Variants in LIPA observed in about 807,000 individuals in gnomAD.
LIPA encodes lipase A, lysosomal acid type.
A neutral mutation model predicts 40.6 loss-of-function variants in LIPA; 26 were observed. The observed-to-expected ratio is 0.64, with a 90% confidence interval of 0.47 to 0.89. The LOEUF (loss-of-function observed/expected upper bound fraction) is 0.89, where lower values mean the gene tolerates loss of function less well. Ranked by LOEUF, LIPA falls within the 40% of genes least tolerant of loss-of-function variation. LIPA has a pLI of 0.00. For synonymous variants in LIPA, 188 were observed against 168.4 expected (o/e 1.12, Z -0.90); for missense variants, 455 against 479.6 (o/e 0.95, Z 0.48).
chr10:89,335,604 T>G (rs774170721), intron 1 of LIPA: 3 of 151,922 alleles, frequency 2.0e-5, no homozygotes, highest in Non-Finnish European at 2.9e-5. Flanking sequence ...GTTTCCGGTT[T>G]CGTTGAGGCA....
intron 2 of LIPA, among the ~76,000 whole-genome samples, chr10:89,395,674 T>C (rs1183745482): frequency 6.6e-6 from 1 of 152,164 alleles, no homozygotes. Flanking sequence ...GATCAGACGC[T>C]TAGGCATTAG....
intron 1 of LIPA, among the ~76,000 whole-genome samples, chr10:89,268,854 C>T (rs374400426): frequency 5.9e-5 from 9 of 151,744 alleles, no homozygotes; most frequent in East Asian, 1.9e-4. Context: ...GGCGCGGTGA[C>T]GGGCGCCTGT....
At chr10:89,335,694 G>A (rs1843727178) in intron 1 of LIPA, among the ~76,000 whole-genome samples, 1 of 151,676 alleles carries the variant, frequency 6.6e-6, no homozygotes, top group African/African-American at 2.4e-5. Flanking sequence ...CTAGTGTTCA[G>A]CTATTTTTTT....
At chr10:89,301,941 C>A in intron 1 of LIPA, 1 of 514,252 alleles carries the variant, frequency 1.9e-6, no homozygotes. Flanking sequence ...CTGCCAATTT[C>A]ACTTTCTAGT....
At chr10:89,292,468 T>C (rs1465698798) in intron 1 of LIPA, 1 of 152,210 alleles carries the variant, frequency 6.6e-6, no homozygotes, top group Non-Finnish European at 1.5e-5. Flanking sequence ...AACAGACCAC[T>C]TTCAGGTGAG....
At chr10:89,225,339 C>CGGAGGCCTG in intron 5 of LIPA, 111 bp from the exon 6 acceptor site, 1 of 1,276,410 alleles carries the variant, frequency 7.8e-7, no homozygotes, top group Non-Finnish European at 1.1e-6. Context: ...GAGACCCACG[C>CGGAGGCCTG]AAACAATACC....
chr10:89,399,820 A>G (rs1844396648), intron 2 of LIPA, among the ~76,000 whole-genome samples: 1 of 151,952 alleles, frequency 6.6e-6, no homozygotes, highest in South Asian at 2.1e-4. Flanking sequence ...CGTAAGAGTG[A>G]GGCCTTAATC....
chr10:89,264,242 C>T (rs187522483), intron 1 of LIPA, among the ~76,000 whole-genome samples: 1 of 152,296 alleles, frequency 6.6e-6, no homozygotes, highest in Admixed American at 6.5e-5. Flanking sequence ...GAGTTCTTGT[C>T]CCACATCCAG....
chr10:89,379,850 A>G (rs1330926434), intron 2 of LIPA, among the ~76,000 whole-genome samples: 4 of 152,082 alleles, frequency 2.6e-5, no homozygotes, highest in South Asian at 2.1e-4. Context: ...CTGACTAACA[A>G]GGTGAAACCC....
chr10:89,296,209 C>T (rs1339570553), intron 1 of LIPA, among the ~76,000 whole-genome samples: 5 of 152,092 alleles, frequency 3.3e-5, no homozygotes, highest in African/African-American at 1.2e-4. Context: ...TAAATAGAAG[C>T]CAGGCACTGT....
intron 2 of LIPA, among the ~76,000 whole-genome samples, chr10:89,407,865 T>C (rs1841436733): frequency 6.6e-6 from 1 of 151,744 alleles, no homozygotes; most frequent in African/African-American, 2.4e-5. Flanking sequence ...AAATCCAACC[T>C]TCCTCAGTCC....
At chr10:89,283,349 C>T (rs955279584) in intron 1 of LIPA, among the ~76,000 whole-genome samples, 3 of 152,220 alleles carry the variant, frequency 2.0e-5, no homozygotes, top group African/African-American at 7.2e-5. Context: ...TCTGAGGCCA[C>T]TCTGGCTCGG....
chr10:89,319,288 G>A (rs890187679), intron 1 of LIPA, among the ~76,000 whole-genome samples: 6 of 152,056 alleles, frequency 3.9e-5, no homozygotes, highest in Admixed American at 3.9e-4. Flanking sequence ...TTTTTTGAAA[G>A]GATCAACATT....
intron 1 of LIPA, among the ~76,000 whole-genome samples, chr10:89,248,025 G>A (rs997442946): frequency 1.3e-5 from 2 of 151,654 alleles, no homozygotes; most frequent in Middle Eastern, 3.4e-3. Flanking sequence ...GCACCACCAC[G>A]CCTGGCTAAT....
At chr10:89,365,282 G>A (rs948863093) in intron 2 of LIPA, among the ~76,000 whole-genome samples, 5 of 152,174 alleles carry the variant, frequency 3.3e-5, no homozygotes, top group Non-Finnish European at 5.9e-5. Flanking sequence ...CTGGAACACA[G>A]CTAAAGATAA....
At chr10:89,252,233 T>C (rs778196302), upstream of LIPA, among the ~76,000 whole-genome samples, 5 of 152,270 alleles carry the variant, frequency 3.3e-5, no homozygotes, top group Non-Finnish European at 7.3e-5. Context: ...ATCTTGCTGC[T>C]TTAAATTTTT....
At position 89,339,964 on chromosome 10, in the gene LIPA, T is replaced by G. The variant is rs763750912; in HGVS notation, c.-2+2647A>C. On this transcript the variant is annotated intron_variant, in intron 1 of 5. Coordinates refer to the LIPA transcript ENST00000282673. ...TGGAGATCTGCTGCAAGCAGCCAAA[T>G]GTTATGAGAAGGAACTGGGCCGCCT... 5 of 1,614,194 alleles carry G rather than the reference T, an allele frequency of 3.1e-6. No homozygotes were observed. The East Asian group carries it at 1.1e-4, about 36-fold the overall frequency.
At chr10:89,288,716 C>T (rs1443358288) in intron 1 of LIPA, among the ~76,000 whole-genome samples, 2 of 152,132 alleles carry the variant, frequency 1.3e-5, no homozygotes, top group Admixed American at 6.6e-5. Context: ...ATAGTATCTT[C>T]CACACCTATC....
intron 1 of LIPA, among the ~76,000 whole-genome samples, chr10:89,305,116 T>A (rs1286416500): frequency 6.6e-6 from 1 of 151,804 alleles, no homozygotes; most frequent in Non-Finnish European, 1.5e-5. Flanking sequence ...GGAAAAAAAA[T>A]TACATTTTAT....
Sources: allele counts gnomAD v4.1 joint callset (sites outside exome capture counted in the v4.1 genomes callset), GRCh38; gene constraint gnomAD v4.1.1; transcripts MANE v1.5; gene names NCBI Gene and HGNC (gene_info 2026-07-23, HGNC 2026-07-21).